Variants in DLGAP2 observed in about 807,000 individuals in gnomAD.
DLGAP2 encodes disks large-associated protein 2.
Under a neutral mutation model 100.3 loss-of-function variants are expected in DLGAP2, and 26 were observed. The ratio of observed to expected loss-of-function variants is 0.26; its 90% CI spans 0.19 to 0.36. The LOEUF (loss-of-function observed/expected upper bound fraction) is 0.36. Ranked by LOEUF, DLGAP2 falls within the 10% of genes least tolerant of loss-of-function variation. The pLI is 1.00. For synonymous variants in DLGAP2, 886 were observed against 630.1 expected (o/e 1.41, Z -6.08); for missense variants, 1,858 against 1,453.2 (o/e 1.28, Z -4.53).
intron 2 of DLGAP2, among the ~76,000 whole-genome samples, chr8:1,174,249 C>G (rs1053509643): frequency 6.6e-6 from 1 of 152,030 alleles, no homozygotes; most frequent in Non-Finnish European, 1.5e-5. Context: ...GATAAGTCTA[C>G]CCACATACCC....
intron 3 of DLGAP2, among the ~76,000 whole-genome samples, chr8:1,484,195 A>G (rs73536546): frequency 1.2e-4 from 19 of 152,354 alleles, no homozygotes; most frequent in African/African-American, 4.6e-4. Flanking sequence ...TCTGAGCTCC[A>G]TGAGCTTCTG....
intron 2 of DLGAP2, among the ~76,000 whole-genome samples, chr8:1,153,920 T>C: frequency 6.6e-6 from 1 of 152,208 alleles, no homozygotes; most frequent in East Asian, 1.9e-4. Context: ...CAGAGACGTT[T>C]TTCTGTCTCC....
intron 2 of DLGAP2, among the ~76,000 whole-genome samples, chr8:1,207,415 C>CT (rs1563253809): frequency 6.6e-6 from 1 of 152,114 alleles, no homozygotes; most frequent in South Asian, 2.1e-4. Flanking sequence ...TATTTTGTTC[C>CT]TTTTTTTGGC....
At chr8:850,525 C>T (rs949920319) in intron 1 of DLGAP2, among the ~76,000 whole-genome samples, 1 of 152,122 alleles carries the variant, frequency 6.6e-6, no homozygotes, top group Non-Finnish European at 1.5e-5. Context: ...CACTTCTTTT[C>T]ACAATTTGTC....
At chr8:813,991 A>T (rs1044999856) in intron 1 of DLGAP2, among the ~76,000 whole-genome samples, 14 of 152,150 alleles carry the variant, frequency 9.2e-5, no homozygotes, top group African/African-American at 3.4e-4. Flanking sequence ...GAGAAAACAT[A>T]CTGAATTTTA....
chr8:1,494,277 CT>C (rs1799481260), intron 3 of DLGAP2, among the ~76,000 whole-genome samples: 1 of 152,250 alleles, frequency 6.6e-6, no homozygotes, highest in South Asian at 2.1e-4. Context: ...GGCTTAACTG[CT>C]TCCTTTTGCT....
intron 3 of DLGAP2, among the ~76,000 whole-genome samples, chr8:1,494,372 G>A (rs914631700): frequency 6.6e-6 from 1 of 152,230 alleles, no homozygotes; most frequent in African/African-American, 2.4e-5. Flanking sequence ...AATTTAAAGT[G>A]TGCATTTCCT....
At chr8:783,716 C>T (rs555898149) in intron 1 of DLGAP2, among the ~76,000 whole-genome samples, 7 of 152,272 alleles carry the variant, frequency 4.6e-5, no homozygotes, top group African/African-American at 1.7e-4. Flanking sequence ...CTCACCCTTC[C>T]CCCTCTTATG....
At chr8:891,971 A>G (rs1798044523) in intron 1 of DLGAP2, among the ~76,000 whole-genome samples, 1 of 152,220 alleles carries the variant, frequency 6.6e-6, no homozygotes, top group Non-Finnish European at 1.5e-5. Flanking sequence ...TTCCTGTAAC[A>G]CTGCACGTAA....
At chr8:857,176 A>C (rs560190142) in intron 1 of DLGAP2, among the ~76,000 whole-genome samples, 1 of 152,232 alleles carries the variant, frequency 6.6e-6, no homozygotes, top group African/African-American at 2.4e-5. Flanking sequence ...GTGCAACAAA[A>C]TGAACCCAGA....
chr8:948,976 C>G (rs990421583), intron 2 of DLGAP2, among the ~76,000 whole-genome samples: 2 of 151,014 alleles, frequency 1.3e-5, no homozygotes, highest in Non-Finnish European at 2.9e-5. Context: ...CTGCCGCCAT[C>G]TTGAGGAGTC....
intron 1 of DLGAP2, among the ~76,000 whole-genome samples, chr8:853,467 G>A (rs980432229): frequency 6.6e-6 from 1 of 152,252 alleles, no homozygotes; most frequent in Non-Finnish European, 1.5e-5. Flanking sequence ...CATCTGCACA[G>A]ATGGCTTAGG....
intron 2 of DLGAP2, among the ~76,000 whole-genome samples, chr8:1,000,926 C>T (rs754867398): frequency 6.6e-6 from 1 of 152,082 alleles, no homozygotes; most frequent in Non-Finnish European, 1.5e-5. Flanking sequence ...TCCGAGAGTG[C>T]CTGGGAGCAG....
intron 6 of DLGAP2, among the ~76,000 whole-genome samples, chr8:1,596,196 A>G (rs540086544): frequency 2.0e-5 from 3 of 152,354 alleles, no homozygotes; most frequent in South Asian, 4.1e-4. Flanking sequence ...TGCAAAGAAC[A>G]TGAACTCATC....
At chr8:1,291,773 G>C (rs775580717) in intron 3 of DLGAP2, among the ~76,000 whole-genome samples, 1 of 152,010 alleles carries the variant, frequency 6.6e-6, no homozygotes, top group Non-Finnish European at 1.5e-5. Context: ...TTGAGCCCCC[G>C]GGGGCCAGTT....
chr8:1,668,257 G>A (rs549468143), intron 8 of DLGAP2, 72 bp from the exon 9 acceptor site: 103 of 1,365,752 alleles, frequency 7.5e-5, no homozygotes, highest in East Asian at 3.8e-4. Flanking sequence ...GGGCATGGGC[G>A]TGGGGAAACA....
At chr8:1,280,909 A>G (rs1799801635) in intron 3 of DLGAP2, among the ~76,000 whole-genome samples, 1 of 152,234 alleles carries the variant, frequency 6.6e-6, no homozygotes, top group East Asian at 1.9e-4. Flanking sequence ...GTATTCTGGG[A>G]ACAAGTCCAC....
intron 2 of DLGAP2, among the ~76,000 whole-genome samples, chr8:1,100,175 G>A (rs1220435008): frequency 1.3e-5 from 2 of 148,614 alleles, no homozygotes; most frequent in African/African-American, 4.9e-5. Flanking sequence ...GCGTGTGTAG[G>A]GAAAACCTTT....
At chr8:1,138,237 C>T (rs1168110244) in intron 2 of DLGAP2, among the ~76,000 whole-genome samples, 1 of 152,192 alleles carries the variant, frequency 6.6e-6, no homozygotes, top group Admixed American at 6.5e-5. Context: ...CCTGAGTCCC[C>T]TGTTGGTTCT....
Sources: allele counts gnomAD v4.1 joint callset (sites outside exome capture counted in the v4.1 genomes callset), GRCh38; gene constraint gnomAD v4.1.1; transcripts MANE v1.5; gene names NCBI Gene and HGNC (gene_info 2026-07-23, HGNC 2026-07-21).